Variants in ADAMTS16 observed in about 807,000 individuals in gnomAD.
The protein encoded by ADAMTS16 is A disintegrin and metalloproteinase with thrombospondin motifs 16.
Under a neutral mutation model 145.8 loss-of-function variants are expected in ADAMTS16, and 94 were observed. That is an observed-to-expected ratio of 0.64 (90% CI 0.55 to 0.77). The LOEUF (loss-of-function observed/expected upper bound fraction) is 0.77. Ranked by LOEUF, ADAMTS16 falls within the 30% of genes least tolerant of loss-of-function variation. The pLI is 0.00. For missense variants in ADAMTS16, 1,585 were observed against 1,591.5 expected (o/e 1.00, Z 0.07); for synonymous variants, 659 against 604.3 (o/e 1.09, Z -1.33).
chr5:5,318,172 C>A lies in ADAMTS16; in HGVS notation c.3450C>A (p.Ser1150=), dbSNP rs186504776. 1,562 of 1,545,168 alleles carry A rather than the reference C, an allele frequency of 1.0e-3. 18 individuals carry two copies. In the African/African-American group the frequency reaches 0.019, roughly 19 times the overall value. Residue 1150 remains serine (S), a synonymous_variant, in exon 22 of 23, where the codon TCC becomes TCA. Coordinates refer to ENST00000274181, the MANE Select transcript of ADAMTS16 (RefSeq NM_139056.4). Reference sequence around the variant, plus strand: ...GTGGGGGAGGCGTTCAGACGAGGTCCGTGCAGTGCCTGGCTGGGGGCCGGC... The same window carrying A: ...GTGGGGGAGGCGTTCAGACGAGGTCAGTGCAGTGCCTGGCTGGGGGCCGGC... ...ASCGGGVQTR[S]VQCLAGGRPA... is the part of the protein sequence containing the mutation.
intron 3 of ADAMTS16, among the ~76,000 whole-genome samples, chr5:5,149,323 C>T (rs1195270308): frequency 6.6e-6 from 1 of 150,540 alleles, no homozygotes; most frequent in Non-Finnish European, 1.5e-5. Context: ...AACACAAGCA[C>T]ATAAATGTGT....
At chr5:5,223,187 A>G (rs1736654080) in intron 11 of ADAMTS16, 2 of 375,888 alleles carry the variant, frequency 5.3e-6, no homozygotes, top group South Asian at 3.5e-5. Context: ...ACCATTTATC[A>G]TGGAAAGGAC....
chr5:5,140,510 T>C lies in ADAMTS16; in HGVS notation c.43T>C (p.Trp15Arg), dbSNP rs1483935183. 3 of 1,519,138 alleles carry C rather than the reference T, an allele frequency of 2.0e-6. No individual in the cohort carries two copies. Among genetic ancestry groups the C allele is most frequent in the Non-Finnish European group, 2.6e-6 (3 of 1,143,746 alleles). 94.1% of individuals were successfully genotyped at this position (1,519,138 alleles called of 1,614,324 possible). Reference sequence around the variant, plus strand: ...CGGATGGCGGGGCTTGGCGGCGCTGTGGATGCTGTTGGCGCAGGTGGCCGA... The same window carrying C: ...CGGATGGCGGGGCTTGGCGGCGCTGCGGATGCTGTTGGCGCAGGTGGCCGA... The part of the protein sequence containing the change: ...ARGWRGLAAL[W>R]MLLAQVAEQA... The change falls in exon 1 of 23, where the codon TGG becomes CGG. Residue 15 changes from tryptophan (W) to arginine (R), a missense_variant. Physicochemically the swap from Trp to Arg is moderately radical, Grantham distance 101 (BLOSUM62 -3). Around this residue, in one of 3 missense-constraint regions of ADAMTS16, gnomAD observed 453 missense variants for 412.1 expected, o/e 1.10. Transcript: ENST00000274181.
intron 11 of ADAMTS16, among the ~76,000 whole-genome samples, chr5:5,229,036 C>CCTGTAATCCCA (rs1283604591): frequency 6.6e-6 from 1 of 152,142 alleles, no homozygotes; most frequent in Non-Finnish European, 1.5e-5. Context: ...CGGTGGCTCA[C>CCTGTAATCCCA]GCCTGTAATC....
chr5:5,313,677 A>T (rs1740547974), intron 21 of ADAMTS16, among the ~76,000 whole-genome samples: 1 of 152,258 alleles, frequency 6.6e-6, no homozygotes, highest in South Asian at 2.1e-4. Flanking sequence ...ACTGAGGGGC[A>T]GCAGCCGTGT....
At chr5:5,243,965 A>T (rs982831708) in intron 17 of ADAMTS16, among the ~76,000 whole-genome samples, 2 of 152,218 alleles carry the variant, frequency 1.3e-5, no homozygotes, top group Non-Finnish European at 2.9e-5. Flanking sequence ...CACTTTTCTA[A>T]AGAGCTGCAT....
chr5:5,210,719 CTT>C (rs1283511935), intron 10 of ADAMTS16, among the ~76,000 whole-genome samples: 2 of 152,178 alleles, frequency 1.3e-5, no homozygotes, highest in African/African-American at 2.4e-5. Flanking sequence ...TACAGATACT[CTT>C]TATCAAACTG....
chr5:5,303,281 A>G lies in ADAMTS16; in HGVS notation c.2803A>G (p.Asn935Asp). The G allele has an allele frequency of 6.3e-7, 1 of 1,580,894 alleles. No individual in the cohort carries two copies. Among genetic ancestry groups the G allele is most frequent in the Non-Finnish European group, 8.6e-7 (1 of 1,161,042 alleles). Residue 935 changes from asparagine (N) to aspartate (D), a missense_variant, in exon 19 of 23, where the codon AAC becomes GAC. Around this residue, in one of 3 missense-constraint regions of ADAMTS16, gnomAD observed 834 missense variants for 811.7 expected, o/e 1.03. Transcript: ENST00000274181. ...SACPPSWSVG[N>D]WSACSRTCGG... The stretch of plus-strand genomic sequence containing the variant: ...GTCCCTGCCCAGCTGGTCCGTGGGG[A>G]ACTGGAGTGCCTGCAGTCGGACGTG...
chr5:5,197,995 T>C (rs1005196875), intron 8 of ADAMTS16, among the ~76,000 whole-genome samples: 4 of 152,186 alleles, frequency 2.6e-5, no homozygotes, highest in Non-Finnish European at 5.9e-5. Flanking sequence ...TGTTGATGCA[T>C]CAGAGTTTGA....
chr5:5,140,341 C>A lies in ADAMTS16; in HGVS notation c.-127C>A, dbSNP rs1407244543. The A allele has an allele frequency of 4.6e-5, 45 of 970,080 alleles. No homozygotes were observed. The highest frequency in any genetic ancestry group is 5.8e-5 in the Non-Finnish European group (41 of 708,258). 60.1% of individuals were successfully genotyped at this position (970,080 alleles called of 1,614,324 possible). On this transcript the variant is annotated 5_prime_UTR_variant, in exon 1 of 23. Coordinates refer to ENST00000274181, the MANE Select transcript of ADAMTS16 (RefSeq NM_139056.4). ...CCGCACGGAGCTTCAGTAATAACCCCGGCGCGGCGGCGGAGTCGCTGTGGG... is the reference window on the plus strand; with the variant it reads ...CCGCACGGAGCTTCAGTAATAACCCAGGCGCGGCGGCGGAGTCGCTGTGGG...
intron 17 of ADAMTS16, among the ~76,000 whole-genome samples, chr5:5,257,222 C>A (rs1316960246): frequency 4.0e-5 from 6 of 151,816 alleles, no homozygotes; most frequent in Non-Finnish European, 8.8e-5. Flanking sequence ...AAAGAATATC[C>A]CCTATTTTGA....
At chr5:5,235,347 C>T (rs770401306) in intron 13 of ADAMTS16, among the ~76,000 whole-genome samples, 161 bp downstream of exon 13, 31 of 152,102 alleles carry the variant, frequency 2.0e-4, no homozygotes, top group Non-Finnish European at 4.1e-4. Context: ...TTTTGCCAGC[C>T]CCACCATCAC....
At chr5:5,218,999 G>A (rs1200931877) in intron 10 of ADAMTS16, among the ~76,000 whole-genome samples, 1 of 152,128 alleles carries the variant, frequency 6.6e-6, no homozygotes, top group African/African-American at 2.4e-5. Context: ...AGGATCGGGG[G>A]CGTGGCAGGC....
At chr5:5,252,129 G>A (rs1363609914) in intron 17 of ADAMTS16, among the ~76,000 whole-genome samples, 4 of 152,204 alleles carry the variant, frequency 2.6e-5, no homozygotes, top group Admixed American at 1.3e-4. Flanking sequence ...GATTGCAGGC[G>A]TGAGCCACCG....
chr5:5,186,744 T>A (rs1364897379), intron 5 of ADAMTS16, among the ~76,000 whole-genome samples: 1 of 152,216 alleles, frequency 6.6e-6, no homozygotes, highest in Non-Finnish European at 1.5e-5. Flanking sequence ...TGTGTTTGTG[T>A]CTCAAATTGG....
At chr5:5,231,870 A>G (rs1736934434) in intron 11 of ADAMTS16, among the ~76,000 whole-genome samples, 1 of 152,132 alleles carries the variant, frequency 6.6e-6, no homozygotes, top group Admixed American at 6.5e-5. Context: ...TAATCGTCCC[A>G]AGGCTCCGAG....
At chr5:5,180,076 G>A (rs1157345963) in intron 3 of ADAMTS16, among the ~76,000 whole-genome samples, 1 of 152,090 alleles carries the variant, frequency 6.6e-6, no homozygotes, top group African/African-American at 2.4e-5. Context: ...CCCATGCAGG[G>A]CTTCACTACG....
Position 5,276,513 on chromosome 5 carries a change from G to A in ADAMTS16, c.2789+13730G>A, listed in dbSNP as rs141780346. On this transcript the variant is annotated intron_variant, in intron 18 of 22. Transcript: ENST00000274181. ...AAGGAATTTATACAAAGAGCGAAGT[G>A]AGCTTAAACTGAAGATTAAATCTTT... is the stretch of plus-strand genomic sequence containing the variant. Among the ~76,000 whole-genome samples, 306 of 152,344 alleles carry A rather than the reference G, an allele frequency of 2.0e-3. 5 individuals are homozygous for A. Among genetic ancestry groups the A allele is most frequent in the Admixed American group, 0.018 (273 of 15,304 alleles).
chr5:5,284,968 C>T (rs563340643), intron 18 of ADAMTS16, among the ~76,000 whole-genome samples: 2 of 152,096 alleles, frequency 1.3e-5, no homozygotes, highest in African/African-American at 4.8e-5. Context: ...TTTATGGAAC[C>T]AATACCAATG....
Sources: allele counts gnomAD v4.1 joint callset (sites outside exome capture counted in the v4.1 genomes callset), GRCh38; gene constraint gnomAD v4.1.1; regional missense constraint gnomAD v4.1.1; transcripts MANE v1.5; gene names NCBI Gene and HGNC (gene_info 2026-07-23, HGNC 2026-07-21).